The following RNF13 variants were observed in gnomAD, a reference collection of about 807,000 sequenced individuals.
RNF13 encodes the protein E3 ubiquitin-protein ligase RNF13.
A neutral mutation model predicts 37.7 loss-of-function variants in RNF13; 19 were observed. The observed-to-expected ratio is 0.50, with a 90% CI of 0.35 to 0.74. RNF13 has a LOEUF of 0.74. Among genes scored for constraint, RNF13 ranks in the 30% least tolerant of loss-of-function variants. The probability of loss-of-function intolerance (pLI) is 0.01; values close to 1 mark genes in which losing one functional copy is unlikely to be tolerated. For synonymous variants in RNF13, 144 were observed against 157.8 expected, an observed-to-expected ratio of 0.91 and a Z score of 0.65; for missense variants, 375 against 453.0, an observed-to-expected ratio of 0.83 and a Z score of 1.56.
chr3:149,835,301 A>C (rs1000394153), intron 1 of RNF13, among the ~76,000 whole-genome samples: 3 of 152,150 alleles, frequency 2.0e-5, no homozygotes, highest in Non-Finnish European at 2.9e-5. Flanking sequence ...AATTTAAAAA[A>C]TTTTTTTATT....
At chr3:149,939,540 C>T (rs1294418637) in intron 8 of RNF13, 2 of 587,872 alleles carry the variant, frequency 3.4e-6, no homozygotes, top group African/African-American at 1.8e-5. Flanking sequence ...CCCCAGAAAC[C>T]ATTGGCTGTA....
chr3:149,844,453 T>A (rs1722455275), intron 1 of RNF13, among the ~76,000 whole-genome samples: 1 of 152,158 alleles, frequency 6.6e-6, no homozygotes, highest in Non-Finnish European at 1.5e-5. Flanking sequence ...GGGTTTATAT[T>A]AGGGGTTGTT....
At chr3:149,847,353 G>C (rs1722744295) in intron 2 of RNF13, among the ~76,000 whole-genome samples, 1 of 152,164 alleles carries the variant, frequency 6.6e-6, no homozygotes, top group Admixed American at 6.5e-5. Flanking sequence ...GGGTGCAACT[G>C]ATTTGCTTAA....
intron 1 of RNF13, among the ~76,000 whole-genome samples, chr3:149,829,360 A>G (rs922192795): frequency 1.3e-5 from 2 of 152,136 alleles, no homozygotes; most frequent in African/African-American, 4.8e-5. Flanking sequence ...TCGGCCTCCC[A>G]AAGTGTTGGG....
chr3:149,893,896 G>A (rs1227318349), intron 4 of RNF13: 2 of 152,108 alleles, frequency 1.3e-5, no homozygotes, highest in East Asian at 1.9e-4. Context: ...TCCTACAGTA[G>A]AGCAGTAAGT....
chr3:149,856,105 A>T (rs1323396820), intron 3 of RNF13, among the ~76,000 whole-genome samples: 2 of 150,602 alleles, frequency 1.3e-5, no homozygotes, highest in Non-Finnish European at 3.0e-5. Context: ...GAGTTTGTTT[A>T]TTCACTGCCT....
chr3:149,899,356 C>T (rs1348360332), intron 5 of RNF13, among the ~76,000 whole-genome samples: 1 of 152,008 alleles, frequency 6.6e-6, no homozygotes, highest in Non-Finnish European at 1.5e-5. Context: ...GGCTGAACCA[C>T]AAGAATCACT....
chr3:149,910,775 C>A (rs1481544629), intron 6 of RNF13, among the ~76,000 whole-genome samples: 1 of 152,196 alleles, frequency 6.6e-6, no homozygotes, highest in African/African-American at 2.4e-5. Context: ...CCAATGGATT[C>A]ATCTGTCATA....
At chr3:149,911,220 A>G (rs1433362760) in intron 6 of RNF13, among the ~76,000 whole-genome samples, 3 of 152,210 alleles carry the variant, frequency 2.0e-5, no homozygotes, top group Admixed American at 1.3e-4. Context: ...TATAATTTTT[A>G]TCAATACTGA....
At chr3:149,958,781 A>G (rs921933449) in intron 8 of RNF13, among the ~76,000 whole-genome samples, 1 of 152,252 alleles carries the variant, frequency 6.6e-6, no homozygotes, top group Non-Finnish European at 1.5e-5. Flanking sequence ...GTTGAGTCTA[A>G]TAAGTCTCAC....
At chr3:149,904,935 C>A (rs1484686071) in intron 6 of RNF13, among the ~76,000 whole-genome samples, 1 of 152,124 alleles carries the variant, frequency 6.6e-6, no homozygotes, top group Non-Finnish European at 1.5e-5. Flanking sequence ...AGATATTCTT[C>A]ATTCTTTTGT....
intron 3 of RNF13, among the ~76,000 whole-genome samples, chr3:149,861,852 T>A (rs1206136704): frequency 6.6e-6 from 1 of 152,172 alleles, no homozygotes. Context: ...GTATCCTGAC[T>A]TGATCATTAC....
intron 1 of RNF13, among the ~76,000 whole-genome samples, chr3:149,835,386 G>A (rs537832981): frequency 1.5e-4 from 23 of 151,914 alleles, no homozygotes; most frequent in Non-Finnish European, 2.9e-4. Context: ...TGAGATTTTG[G>A]TGCATCCATC....
At chr3:149,830,542 G>T (rs1444086905) in intron 1 of RNF13, among the ~76,000 whole-genome samples, 1 of 85,366 alleles carries the variant, frequency 1.2e-5, no homozygotes, top group Admixed American at 1.4e-4. Flanking sequence ...TTCAAGAGGT[G>T]ATTTGAGTAC....
At chr3:149,814,906 A>G (rs977759304) in intron 1 of RNF13, among the ~76,000 whole-genome samples, 4 of 151,124 alleles carry the variant, frequency 2.6e-5, no homozygotes, top group Admixed American at 2.0e-4. Context: ...ATTTTTCTCT[A>G]TGTAGGGAAT....
intron 8 of RNF13, among the ~76,000 whole-genome samples, chr3:149,959,392 T>A (rs1722167052): frequency 1.7e-5 from 2 of 115,154 alleles, no homozygotes; most frequent in Admixed American, 1.0e-4. Flanking sequence ...AAAAGAGCTA[T>A]GAATTAATAA....
intron 3 of RNF13, among the ~76,000 whole-genome samples, chr3:149,860,425 T>C (rs570833021): frequency 1.1e-3 from 164 of 151,608 alleles, no homozygotes; most frequent in African/African-American, 3.9e-3. Context: ...AACAGGCACA[T>C]AGACCAATGC....
intron 8 of RNF13, among the ~76,000 whole-genome samples, chr3:149,954,517 C>G (rs1019797483): frequency 6.6e-6 from 1 of 152,136 alleles, no homozygotes; most frequent in Non-Finnish European, 1.5e-5. Flanking sequence ...GAAATATTTG[C>G]CAATGAACCA....
rs1383262483 is a variant in RNF13 at position 149,870,247 on chromosome 3, G to A, written c.196-1782G>A. On this transcript the variant is annotated intron_variant, in intron 3 of 9. Coordinates refer to ENST00000392894, the MANE Select transcript of RNF13 (RefSeq NM_183381.3). Reference sequence around the variant, plus strand: ...TCCACTTTGGTCTTACTTTTCCAGTGTAGAAACAGTGAGTTGGAGGGAAAT... The same window carrying A: ...TCCACTTTGGTCTTACTTTTCCAGTATAGAAACAGTGAGTTGGAGGGAAAT... Among the ~76,000 whole-genome samples, 3 of 151,832 alleles carry A rather than the reference G, an allele frequency of 2.0e-5. No individual in the cohort carries two copies. In the East Asian group the frequency reaches 5.8e-4, roughly 29 times the overall value.
Sources: allele counts gnomAD v4.1 joint callset (sites outside exome capture counted in the v4.1 genomes callset), GRCh38; gene constraint gnomAD v4.1.1; transcripts MANE v1.5; gene names NCBI Gene and HGNC (gene_info 2026-07-23, HGNC 2026-07-21).